PLCG1: variants seen among roughly 807,000 people sequenced by gnomAD.
PLCG1 encodes the protein phospholipase C gamma 1.
A neutral mutation model predicts 177.8 loss-of-function variants in PLCG1; 71 were observed. The observed-to-expected ratio is 0.40, with a 90% confidence interval of 0.33 to 0.49. The LOEUF is 0.49. Ranked by LOEUF, PLCG1 falls within the 20% of genes least tolerant of loss-of-function variation. The pLI, the probability that PLCG1 is intolerant of heterozygous loss-of-function variation, is 0.72. For synonymous variants in PLCG1, 658 were observed against 647.9 expected, an observed-to-expected ratio of 1.02 and a Z score of -0.24; for missense variants, 1,281 against 1,709.0, an observed-to-expected ratio of 0.75 and a Z score of 4.42.
rs1043628249 is a variant in PLCG1, at chr20:41,153,115, G to A, written c.218-6491G>A. 6.6e-6 allele frequency among the ~76,000 whole-genome samples: 1 copy of A among 152,124 alleles called. No individual in the cohort carries two copies. The highest frequency in any genetic ancestry group is 1.5e-5 in the Non-Finnish European group (1 of 68,018). On this transcript the variant is annotated intron_variant, in intron 1 of 31. Transcript: ENST00000685551. The surrounding 1 kb of genome is among the most constrained non-coding windows in gnomAD (Gnocchi z 5.1). ...GAAGGAACCTGTCCAGGAAATCTTCGCTTACCTCTTTCAAGCTCTTTAGAT... is the reference window on the plus strand; with the variant it reads ...GAAGGAACCTGTCCAGGAAATCTTCACTTACCTCTTTCAAGCTCTTTAGAT...
At position 41,146,704 on chromosome 20, in the gene PLCG1, A is replaced by G. The variant is rs1449358964; in HGVS notation, c.217+8846A>G. ...GTTGAGTTAAAATGTTCTGAGGGAAATGATTGTTGAGGGCATGGGCTTGGG... is the reference window on the plus strand; with the variant it reads ...GTTGAGTTAAAATGTTCTGAGGGAAGTGATTGTTGAGGGCATGGGCTTGGG... On this transcript the variant is annotated intron_variant, in intron 1 of 31. Coordinates refer to ENST00000685551, the MANE Select transcript of PLCG1 (RefSeq NM_002660.3). The surrounding 1 kb of genome is among the most constrained non-coding windows in gnomAD (Gnocchi z 6.3). Among the ~76,000 whole-genome samples, 4 of 152,100 alleles carry G rather than the reference A, an allele frequency of 2.6e-5. No individual in the cohort carries two copies. The highest frequency in any genetic ancestry group is 4.4e-5 in the Non-Finnish European group (3 of 67,998).
At chr20:41,162,031 C>T (rs1249734495) in intron 4 of PLCG1, among the ~76,000 whole-genome samples, 2 of 152,034 alleles carry the variant, frequency 1.3e-5, no homozygotes, top group African/African-American at 4.8e-5. Context: ...TGCTGCCATG[C>T]TGCCCCCAAC....
chr20:41,139,115 G>A (rs2034725163), intron 1 of PLCG1, among the ~76,000 whole-genome samples: 1 of 151,900 alleles, frequency 6.6e-6, no homozygotes, highest in Non-Finnish European at 1.5e-5. Flanking sequence ...TGGGAGGAAG[G>A]AAGGTCTTGT....
At position 41,156,258 on chromosome 20, in the gene PLCG1, A is replaced by G. The variant is rs1391814095; in HGVS notation, c.218-3348A>G. On this transcript the variant is annotated intron_variant, in intron 1 of 31. Transcript: ENST00000685551. This position sits in a 1 kb window ranked among gnomAD's most constrained non-coding sequence, Gnocchi z 5.0. ...GCAGCTTATCTTGTCACTGTCTACC[A>G]TAGCCACATTTGGAATGGTAATGCC... 6.6e-6 allele frequency among the ~76,000 whole-genome samples: 1 copy of G among 152,106 alleles called. No individual in the cohort carries two copies. Among genetic ancestry groups the G allele is most frequent in the Non-Finnish European group, 1.5e-5 (1 of 68,014 alleles).
chr20:41,146,145 C>G lies in PLCG1; in HGVS notation c.217+8287C>G, dbSNP rs2034989023. The stretch of plus-strand genomic sequence containing the variant: ...GACTCAGGATGCAGAGTAAACGGGG[C>G]AGGGCGTTCTCCTACAGAAGACTGG... On this transcript the variant is annotated intron_variant, in intron 1 of 31. Transcript: ENST00000685551. This position sits in a 1 kb window ranked among gnomAD's most constrained non-coding sequence, Gnocchi z 6.3. Among the ~76,000 whole-genome samples, 1 of 152,240 alleles carries G rather than the reference C, an allele frequency of 6.6e-6. No homozygotes were observed. Among genetic ancestry groups the G allele is most frequent in the South Asian group, 2.1e-4 (1 of 4,832 alleles).
At chr20:41,161,521 CTG>C (rs903516451) in intron 4 of PLCG1, among the ~76,000 whole-genome samples, 3 of 152,246 alleles carry the variant, frequency 2.0e-5, no homozygotes, top group Admixed American at 6.5e-5. Flanking sequence ...CAGAAGGCCT[CTG>C]TTTCCTCACT....
At position 41,170,156 on chromosome 20, in the gene PLCG1, A is replaced by G. The variant is rs753604451; in HGVS notation, c.2695A>G (p.Ile899Val). 1.9e-6 allele frequency: 3 copies of G among 1,613,892 alleles called. No homozygotes were observed. Among genetic ancestry groups the G allele is most frequent in the Admixed American group, 3.3e-5 (2 of 59,980 alleles). Residue 899 changes from isoleucine (I) to valine (V), a missense_variant, in exon 24 of 32, where the codon ATC (isoleucine) becomes GTC (valine). By Grantham distance (29) the Ile-to-Val change is conservative. Around this residue, in one of 4 missense-constraint regions of PLCG1, gnomAD observed 723 missense variants for 1,030.0 expected, o/e 0.70. Transcript: ENST00000685551. ...GKNNRLFVFS[I>V]SMASVAHWSL... ...GAACAACCGGCTCTTCGTCTTCTCC[A>G]TCAGCATGGCGTCGGTGGCCCACTG...
In PLCG1 at chr20:41,167,705, G is replaced by T; in HGVS notation, c.2302-147G>T. 1 of 635,734 alleles carries T rather than the reference G, an allele frequency of 1.6e-6. No individual in the cohort carries two copies. 39.4% of individuals were successfully genotyped at this position (635,734 alleles called of 1,614,324 possible). ...TGAGGCCGGGCCTGAGGCCTCTGAA[G>T]CCGTCTCTACTGAGGTCGAAGGATC... On this transcript the variant is annotated intron_variant, in intron 19 of 31. Coordinates refer to ENST00000685551, the MANE Select transcript of PLCG1 (RefSeq NM_002660.3). The surrounding 1 kb of genome is among the most constrained non-coding windows in gnomAD (Gnocchi z 4.4).
rs34466469 is a variant in PLCG1 at position 41,154,782 on chromosome 20, A to G, written c.218-4824A>G. On this transcript the variant is annotated intron_variant, in intron 1 of 31. Coordinates refer to ENST00000685551, the MANE Select transcript of PLCG1 (RefSeq NM_002660.3). ...CCCTTCGACAGCACCCTCTCTCCCC[A>G]CTCAGTGGATTGGGTGCTGTCCCAG... 8.6e-5 allele frequency among the ~76,000 whole-genome samples: 13 copies of G among 151,434 alleles called. No homozygotes were observed. The East Asian group carries it at 2.3e-3, about 27-fold the overall frequency.
intron 1 of PLCG1, among the ~76,000 whole-genome samples, chr20:41,145,306 T>C (rs1234078147): frequency 6.6e-6 from 1 of 152,094 alleles, no homozygotes; most frequent in Admixed American, 6.5e-5. Context: ...ATTTGGAGTA[T>C]GGAGGTTTAG....
chr20:41,162,710 C>T lies in PLCG1; in HGVS notation c.666C>T (p.Tyr222=). Residue 222 remains tyrosine, a synonymous_variant, in exon 6 of 32, where the codon TAC becomes TAT. Transcript: ENST00000685551. ...CTCAGCTGTACCGCAGCCTCATGTA[C>T]AGCGCCCAGAAGACGGTGCATGAGC... is the stretch of plus-strand genomic sequence containing the variant. The part of the protein sequence containing the change: ...QFAQLYRSLM[Y]SAQKTMDLPF... 1 of 1,613,344 alleles carries T rather than the reference C, an allele frequency of 6.2e-7. No homozygotes were observed. The highest frequency in any genetic ancestry group is 1.3e-5 in the African/African-American group (1 of 75,034).
chr20:41,148,061 A>G lies in PLCG1; in HGVS notation c.217+10203A>G, dbSNP rs371231355. Reference sequence around the variant, plus strand: ...TGTGGCGGCTGGGTCAAGTAGCTCTAAAACAGGAGAGCCTAGTGGGTTCTG... The same window carrying G: ...TGTGGCGGCTGGGTCAAGTAGCTCTGAAACAGGAGAGCCTAGTGGGTTCTG... On this transcript the variant is annotated intron_variant, in intron 1 of 31. Coordinates refer to ENST00000685551, the MANE Select transcript of PLCG1 (RefSeq NM_002660.3). The surrounding 1 kb of genome is among the most constrained non-coding windows in gnomAD (Gnocchi z 4.3). Among the ~76,000 whole-genome samples, 76 of 152,256 alleles carry G rather than the reference A, an allele frequency of 5.0e-4. 1 individual carries two copies. Among genetic ancestry groups the G allele is most frequent in the East Asian group, 4.6e-3 (24 of 5,178 alleles).
rs536233152 is a variant in PLCG1, at chr20:41,160,961, A to G, written c.512+808A>G. On this transcript the variant is annotated intron_variant, in intron 4 of 31. Transcript: ENST00000685551. The surrounding 1 kb of genome is among the most constrained non-coding windows in gnomAD (Gnocchi z 5.5). ...AGGCATGTTAAGTTTTCTGATGCCT[A>G]TTAGCTGTCCAGGGAGAGATGTTGA... Among the ~76,000 whole-genome samples the G allele has an allele frequency of 3.7e-4, 57 of 152,284 alleles. No individual in the cohort carries two copies. Among genetic ancestry groups the G allele is most frequent in the Non-Finnish European group, 6.9e-4 (47 of 68,026 alleles).
rs371350937 is a variant in PLCG1, at chr20:41,171,952, C to T, written c.2809-241C>T. Among the ~76,000 whole-genome samples the T allele has an allele frequency of 3.4e-3, 524 of 152,316 alleles. 6 individuals are homozygous for T. The highest frequency in any genetic ancestry group is 0.012 in the African/African-American group (496 of 41,564). ...TGAGGAGTCTGTATCCCCCACCCCC[C>T]CTAAGAGGGTTGGAGGGCAAATGTG... On this transcript the variant is annotated intron_variant, in intron 24 of 31. Transcript: ENST00000685551.
In PLCG1 at chr20:41,166,384, G is replaced by A. The variant is rs2035693750; in HGVS notation, c.1990G>A (p.Glu664Lys). The change falls in exon 17 of 32, where the codon GAG becomes AAG. Residue 664 changes from glutamate to lysine, a missense_variant. Physicochemically the swap from Glu to Lys is moderately conservative, Grantham distance 56. Transcript: ENST00000685551. This position sits in a 1 kb window ranked among gnomAD's most constrained non-coding sequence, Gnocchi z 8.6. ...GCCTGTCCCACAGACCAACGCCCAC[G>A]AGAGCAAAGAGTGAGGGAAGGGCCT... ...SEPVPQTNAH[E>K]SKEWYHASLT... 6.2e-7 allele frequency: 1 copy of A among 1,614,090 alleles called. No individual in the cohort carries two copies. The highest frequency in any genetic ancestry group is 8.5e-7 in the Non-Finnish European group (1 of 1,180,046).
chr20:41,171,484 G>C (rs1045501279), intron 24 of PLCG1, among the ~76,000 whole-genome samples: 4 of 151,408 alleles, frequency 2.6e-5, no homozygotes, highest in African/African-American at 4.9e-5. Flanking sequence ...CTACTCGGGA[G>C]GCTGAGGCAG....
chr20:41,162,771 C>G (rs1221588871), intron 6 of PLCG1, 46 bp downstream of exon 6: 4 of 1,484,990 alleles, frequency 2.7e-6, no homozygotes, highest in South Asian at 2.4e-5. Flanking sequence ...CCTGCTCTTC[C>G]ACCCCACACC....
chr20:41,154,222 A>G (rs903489835), intron 1 of PLCG1, among the ~76,000 whole-genome samples: 16 of 152,206 alleles, frequency 1.1e-4, no homozygotes, highest in African/African-American at 3.9e-4. Flanking sequence ...AGCGGTTAAC[A>G]GGCTTATAAA....
chr20:41,174,780 T>G lies in PLCG1; in HGVS notation c.*271T>G. Reference sequence around the variant, plus strand: ...TCTGGCCCTGACTTCTGGAGATGGATCCTTCCATCTTGTGGGGCCAGGACC... The same window carrying G: ...TCTGGCCCTGACTTCTGGAGATGGAGCCTTCCATCTTGTGGGGCCAGGACC... On this transcript the variant is annotated 3_prime_UTR_variant, in exon 32 of 32. Coordinates refer to ENST00000685551, the MANE Select transcript of PLCG1 (RefSeq NM_002660.3). The surrounding 1 kb of genome is among the most constrained non-coding windows in gnomAD (Gnocchi z 5.8). 1 of 479,816 alleles carries G rather than the reference T, an allele frequency of 2.1e-6. No individual in the cohort carries two copies. The highest frequency in any genetic ancestry group is 3.8e-6 in the Non-Finnish European group (1 of 263,238). 29.7% of individuals were successfully genotyped at this position (479,816 alleles called of 1,614,324 possible).
Sources: gnomAD v4.1 joint callset for allele counts (sites outside exome capture counted in the v4.1 genomes callset) on GRCh38, gnomAD v4.1.1 for gene constraint, gnomAD v4.1.1 regional missense constraint, Gnocchi (gnomAD v3.1) non-coding constraint, MANE v1.5 for transcripts, NCBI Gene and HGNC (gene_info 2026-07-23, HGNC 2026-07-21) for gene names.